Variants in ANKRD29 observed in about 807,000 individuals in gnomAD.
The protein encoded by ANKRD29 is ankyrin repeat domain 29, also known as ankyrin repeat domain-containing protein 29.
In ANKRD29, 32 loss-of-function variants were observed where a neutral mutation model predicts 38.0. The observed-to-expected ratio is 0.84, with a 90% CI of 0.64 to 1.13. The LOEUF (loss-of-function observed/expected upper bound fraction) is 1.13, where lower values mean the gene tolerates loss of function less well. ANKRD29 is among the 50% of genes most tolerant of loss of function. The pLI is 0.00. For missense variants in ANKRD29, 357 were observed against 377.9 expected (o/e 0.94, Z 0.46); for synonymous variants, 135 against 152.4 (o/e 0.89, Z 0.84).
At chr18:23,639,358 T>G (rs2060042893) in intron 3 of ANKRD29, among the ~76,000 whole-genome samples, 1 of 152,160 alleles carries the variant, frequency 6.6e-6, no homozygotes, top group Non-Finnish European at 1.5e-5. Context: ...AGTGTCCATC[T>G]ATGGATGAGG....
At position 23,613,760 on chromosome 18, in the gene ANKRD29, G is replaced by A. The variant is rs1237030141; in HGVS notation, c.724-1570C>T. On this transcript the variant is annotated intron_variant, in intron 8 of 9. Transcript: ENST00000592179. The stretch of plus-strand genomic sequence containing the variant: ...CACTACAGGCGCCCGCCACACACCC[G>A]GCTAATTTTTTGTATTTTTAGTAGA... Among the ~76,000 whole-genome samples, 7 of 151,652 alleles carry A rather than the reference G, an allele frequency of 4.6e-5. No homozygotes were observed. In the South Asian group the frequency reaches 1.5e-3, roughly 32 times the overall value.
intron 1 of ANKRD29, among the ~76,000 whole-genome samples, chr18:23,657,292 C>T (rs1039259336): frequency 8.5e-5 from 13 of 152,216 alleles, no homozygotes; most frequent in Non-Finnish European, 1.6e-4. Flanking sequence ...TTTAGCCCAA[C>T]GGGAGAGGTT....
intron 1 of ANKRD29, among the ~76,000 whole-genome samples, chr18:23,653,412 G>A (rs1470724566): frequency 1.3e-5 from 2 of 152,050 alleles, no homozygotes; most frequent in East Asian, 1.9e-4. Context: ...CACTACGCCC[G>A]GCTAATTTTT....
At chr18:23,617,304 T>C (rs1040818177) in intron 8 of ANKRD29, among the ~76,000 whole-genome samples, 1 of 152,180 alleles carries the variant, frequency 6.6e-6, no homozygotes, top group African/African-American at 2.4e-5. Flanking sequence ...GTATCCATAC[T>C]GACATATTTT....
intron 9 of ANKRD29, among the ~76,000 whole-genome samples, chr18:23,602,177 C>T (rs778469230): frequency 2.0e-5 from 3 of 152,100 alleles, no homozygotes; most frequent in Non-Finnish European, 4.4e-5. Flanking sequence ...GCTGGGACTA[C>T]AGGCATGTGC....
At chr18:23,632,600 C>T (rs903484612) in intron 5 of ANKRD29, among the ~76,000 whole-genome samples, 1 of 149,786 alleles carries the variant, frequency 6.7e-6, no homozygotes, top group African/African-American at 2.5e-5. Context: ...CATATCTAAC[C>T]TTTAGACCTG....
chr18:23,610,030 G>A (rs544786203), intron 9 of ANKRD29, among the ~76,000 whole-genome samples: 36 of 152,250 alleles, frequency 2.4e-4, no homozygotes, highest in African/African-American at 8.7e-4. Context: ...AAAATGTCAT[G>A]AAATGTTATA....
chr18:23,649,181 G>A lies in ANKRD29; in HGVS notation c.34C>T (p.Leu12Phe). The A allele has an allele frequency of 6.2e-7, 1 of 1,613,278 alleles. No individual in the cohort carries two copies. Among genetic ancestry groups the A allele is most frequent in the Non-Finnish European group, 8.5e-7 (1 of 1,179,670 alleles). ...GCTGCCCAGAATGCAGCATTGGCAA[G>A]TGGAGTTTCCTTCTGCAAGAACAAA... ...CRMSFKKETP[L>F]ANAAFWAARR... is the part of the protein sequence containing the mutation. The change falls in exon 2 of 10, where the codon CTT becomes TTT. Residue 12 changes from leucine (L) to phenylalanine (F), a missense_variant. By Grantham distance (22) the Leu-to-Phe change is conservative. Transcript: ENST00000592179.
intron 9 of ANKRD29, among the ~76,000 whole-genome samples, chr18:23,611,406 G>A (rs917879132): frequency 2.0e-5 from 3 of 152,094 alleles, no homozygotes; most frequent in African/African-American, 4.8e-5. Flanking sequence ...ACCACTGGCC[G>A]GGCGTGGTGC....
intron 1 of ANKRD29, among the ~76,000 whole-genome samples, chr18:23,651,973 T>C (rs1327412664): frequency 6.6e-6 from 1 of 152,216 alleles, no homozygotes; most frequent in Admixed American, 6.5e-5. Context: ...GATTGACTCC[T>C]GATTTCTGGT....
chr18:23,630,802 T>C (rs2059920827), intron 5 of ANKRD29, among the ~76,000 whole-genome samples: 1 of 149,982 alleles, frequency 6.7e-6, no homozygotes, highest in Non-Finnish European at 1.5e-5. Flanking sequence ...TTCTAAAAAT[T>C]CTTTTTTTTT....
intron 3 of ANKRD29, among the ~76,000 whole-genome samples, chr18:23,639,609 C>G (rs552545748): frequency 3.3e-5 from 5 of 150,130 alleles, no homozygotes; most frequent in Non-Finnish European, 5.9e-5. Flanking sequence ...CATCTCGGCT[C>G]ACTGCAACCT....
At chr18:23,605,613 G>C (rs1361888987) in intron 9 of ANKRD29, among the ~76,000 whole-genome samples, 1 of 151,788 alleles carries the variant, frequency 6.6e-6, no homozygotes, top group African/African-American at 2.4e-5. Flanking sequence ...TGCAACCTCC[G>C]CCTCCCGGGT....
At chr18:23,616,979 G>C (rs554841983) in intron 8 of ANKRD29, among the ~76,000 whole-genome samples, 1 of 152,152 alleles carries the variant, frequency 6.6e-6, no homozygotes, top group East Asian at 1.9e-4. Context: ...AGCACTTTGG[G>C]AGGCTGAGGC....
intron 3 of ANKRD29, among the ~76,000 whole-genome samples, chr18:23,645,097 G>A (rs754970998): frequency 2.0e-5 from 3 of 152,178 alleles, no homozygotes; most frequent in Non-Finnish European, 4.4e-5. Flanking sequence ...GATAAAATAA[G>A]GCTGGACCAA....
At chr18:23,636,855 C>A (rs544696284) in intron 4 of ANKRD29, among the ~76,000 whole-genome samples, 19 of 152,290 alleles carry the variant, frequency 1.2e-4, no homozygotes, top group African/African-American at 4.6e-4. Context: ...TGTGGGCCAC[C>A]ATGCCCAGCC....
rs750941772 is a variant in ANKRD29 at position 23,619,639 on chromosome 18, G to A, written c.529-10C>T. On this transcript the variant is annotated splice_polypyrimidine_tract_variant and intron_variant, in intron 6 of 9. Transcript: ENST00000592179. Reference sequence around the variant, plus strand: ...GGGGCGCTGTCCCGTCCTGCGGGAAGAGGAGGCGGCGGCCGCCGTGACTGG... The same window carrying A: ...GGGGCGCTGTCCCGTCCTGCGGGAAAAGGAGGCGGCGGCCGCCGTGACTGG... 6 of 1,550,900 alleles carry A rather than the reference G, an allele frequency of 3.9e-6. No homozygotes were observed. The highest frequency in any genetic ancestry group is 5.2e-6 in the Non-Finnish European group (6 of 1,161,212).
intron 6 of ANKRD29, among the ~76,000 whole-genome samples, chr18:23,623,665 C>T (rs559144389): frequency 6.6e-5 from 10 of 150,684 alleles, no homozygotes; most frequent in Admixed American, 2.0e-4. Flanking sequence ...TTTTTTGAGA[C>T]GGAGTCTTGC....
At chr18:23,607,559 C>A (rs2059589122) in intron 9 of ANKRD29, among the ~76,000 whole-genome samples, 1 of 152,152 alleles carries the variant, frequency 6.6e-6, no homozygotes, top group Non-Finnish European at 1.5e-5. Context: ...ATATCCTCTG[C>A]TATTAAAAAA....
Sources: allele counts gnomAD v4.1 joint callset (sites outside exome capture counted in the v4.1 genomes callset), GRCh38; gene constraint gnomAD v4.1.1; transcripts MANE v1.5; gene names NCBI Gene and HGNC (gene_info 2026-07-23, HGNC 2026-07-21).